Variants in SYNRG observed in about 807,000 individuals in gnomAD.
The protein encoded by SYNRG is AP1 gamma subunit binding protein 1.
A neutral mutation model predicts 130.9 loss-of-function variants in SYNRG; 37 were observed. The observed-to-expected ratio is 0.28, with a 90% CI of 0.22 to 0.37. SYNRG has a LOEUF of 0.37. Among genes scored for constraint, SYNRG ranks in the 10% least tolerant of loss-of-function variants. The probability of loss-of-function intolerance (pLI) is 1.00; values close to 1 mark genes in which losing one functional copy is unlikely to be tolerated. For synonymous variants in SYNRG, 539 were observed against 568.1 expected (o/e 0.95, Z 0.73); for missense variants, 1,338 against 1,588.9 (o/e 0.84, Z 2.68).
chr17:37,586,585 T>C (rs2061707429), intron 3 of SYNRG, 36 bp from the exon 4 acceptor site: 1 of 1,610,144 alleles, frequency 6.2e-7, no homozygotes, highest in Non-Finnish European at 8.5e-7. Context: ...AAAACACAAT[T>C]TATCCCTTTA....
At chr17:37,580,506 T>TGAGAGAGAGAGA (rs1282046342) in intron 6 of SYNRG, among the ~76,000 whole-genome samples, 21 of 114,126 alleles carry the variant, frequency 1.8e-4, no homozygotes, top group Admixed American at 4.0e-4. Context: ...TGTGTGTGTG[T>TGAGAGAGAGAGA]GTGTGAGAGA....
intron 1 of SYNRG, among the ~76,000 whole-genome samples, chr17:37,602,444 T>G (rs947672042): frequency 6.6e-6 from 1 of 151,982 alleles, no homozygotes; most frequent in African/African-American, 2.4e-5. Flanking sequence ...CAGTGAAAAC[T>G]GAGTAGGAAA....
intron 13 of SYNRG, among the ~76,000 whole-genome samples, chr17:37,558,860 T>TGCTATTC (rs2059312768): frequency 6.6e-6 from 1 of 152,222 alleles, no homozygotes; most frequent in African/African-American, 2.4e-5. Context: ...AGCTTTGAAC[T>TGCTATTC]GCTACTTGCC....
chr17:37,605,419 CT>C (rs2063666140), intron 1 of SYNRG, among the ~76,000 whole-genome samples: 1 of 152,190 alleles, frequency 6.6e-6, no homozygotes, highest in Admixed American at 6.5e-5. Flanking sequence ...CCTTTACCCC[CT>C]GTCTGGTTTC....
chr17:37,576,046 T>C (rs2060809995), intron 8 of SYNRG, among the ~76,000 whole-genome samples: 1 of 152,116 alleles, frequency 6.6e-6, no homozygotes, highest in Admixed American at 6.5e-5. Flanking sequence ...AAGTAAATAT[T>C]TGATAATGTC....
intron 13 of SYNRG, among the ~76,000 whole-genome samples, chr17:37,556,958 TTGTAAAC>T (rs2059164124): frequency 6.6e-6 from 1 of 152,212 alleles, no homozygotes; most frequent in Non-Finnish European, 1.5e-5. Context: ...TACTGATGAA[TTGTAAAC>T]TTTTCCATTG....
At chr17:37,604,804 G>A (rs76952577) in intron 1 of SYNRG, among the ~76,000 whole-genome samples, 8,654 of 152,230 alleles carry the variant, frequency 0.057, 798 homozygotes, top group African/African-American at 0.19. Flanking sequence ...AGAGGCCACT[G>A]TAGGGTTAAT....
intron 13 of SYNRG, among the ~76,000 whole-genome samples, chr17:37,555,699 T>C (rs2059067407): frequency 6.7e-6 from 1 of 149,782 alleles, no homozygotes; most frequent in Admixed American, 6.7e-5. Context: ...CCAGGAGGAG[T>C]TCAAGACAAG....
intron 1 of SYNRG, among the ~76,000 whole-genome samples, chr17:37,602,036 G>A (rs2063332532): frequency 1.3e-5 from 2 of 150,816 alleles, no homozygotes; most frequent in South Asian, 2.1e-4. Context: ...ATAAATAAAG[G>A]TTAAAAAGTT....
rs79217119 is a variant in SYNRG at position 37,580,196 on chromosome 17, T to C, written c.590-2583A>G. 3.1e-3 allele frequency among the ~76,000 whole-genome samples: 475 copies of C among 152,212 alleles called. 6 individuals are homozygous for C. In the East Asian group the frequency reaches 0.048, roughly 15 times the overall value. ...AAATTCAGTAAGAAATAATGCACAA[T>C]ACAAAGCTGTAATTTTTGAAATATC... On this transcript the variant is annotated intron_variant, in intron 6 of 21. Transcript: ENST00000612223.
At chr17:37,583,010 A>G (rs892791543) in intron 6 of SYNRG, among the ~76,000 whole-genome samples, 2 of 147,884 alleles carry the variant, frequency 1.4e-5, no homozygotes, top group Non-Finnish European at 1.5e-5. Context: ...TTTTTTTTTG[A>G]GATGGAGTCT....
At chr17:37,592,320 T>A (rs1310670614) in intron 3 of SYNRG, among the ~76,000 whole-genome samples, 1 of 152,166 alleles carries the variant, frequency 6.6e-6, no homozygotes, top group Non-Finnish European at 1.5e-5. Context: ...TGCAGTATAA[T>A]TGAACCTCTG....
At chr17:37,565,978 T>C (rs867223754) in intron 11 of SYNRG, among the ~76,000 whole-genome samples, 10 of 104,900 alleles carry the variant, frequency 9.5e-5, no homozygotes, top group African/African-American at 3.4e-4. Flanking sequence ...GTCAGCCCCC[T>C]GCCCGGCCAG....
At chr17:37,532,391 C>T (rs1327431639) in intron 19 of SYNRG, among the ~76,000 whole-genome samples, 5 of 152,032 alleles carry the variant, frequency 3.3e-5, no homozygotes, top group Non-Finnish European at 7.4e-5. Context: ...GTAGGCAGGC[C>T]GGGCATGGTG....
chr17:37,600,463 GTGTACTTTTTTATA>G (rs766033174), intron 1 of SYNRG, 60 bp from the exon 2 acceptor site: 9 of 1,543,680 alleles, frequency 5.8e-6, no homozygotes, highest in Non-Finnish European at 8.0e-6. Flanking sequence ...CAAATAACAC[GTGTACTTTTTTATA>G]TGGATAAAAG....
intron 2 of SYNRG, among the ~76,000 whole-genome samples, chr17:37,598,544 A>C (rs2062981843): frequency 6.6e-6 from 1 of 152,236 alleles, no homozygotes; most frequent in Non-Finnish European, 1.5e-5. Flanking sequence ...AAGGCACAAA[A>C]GTGTACACAG....
chr17:37,585,295 T>G, intron 5 of SYNRG, 30 bp downstream of exon 5: 1 of 1,567,402 alleles, frequency 6.4e-7, no homozygotes, highest in Non-Finnish European at 8.8e-7. Context: ...GTGTGTATGT[T>G]CTGGGTGAAG....
intron 11 of SYNRG, among the ~76,000 whole-genome samples, chr17:37,565,298 T>G (rs1373485751): frequency 1.3e-5 from 2 of 151,776 alleles, no homozygotes; most frequent in Non-Finnish European, 2.9e-5. Flanking sequence ...AAGGAAAGTA[T>G]GGAAGTAGTC....
intron 2 of SYNRG, among the ~76,000 whole-genome samples, chr17:37,599,922 C>A (rs1294235573): frequency 6.6e-6 from 1 of 152,066 alleles, no homozygotes; most frequent in Admixed American, 6.6e-5. Flanking sequence ...CTACAGATAA[C>A]CTATTGTGCT....
Sources: gnomAD v4.1 joint callset for allele counts (sites outside exome capture counted in the v4.1 genomes callset) on GRCh38, gnomAD v4.1.1 for gene constraint, MANE v1.5 for transcripts, NCBI Gene and HGNC (gene_info 2026-07-23, HGNC 2026-07-21) for gene names.